The following RPRD1B variants were observed in gnomAD, a reference collection of about 807,000 sequenced individuals.
The protein encoded by RPRD1B is regulation of nuclear pre-mRNA domain-containing protein 1B.
A neutral mutation model predicts 41.5 loss-of-function variants in RPRD1B; 11 were observed. That is an observed-to-expected ratio of 0.27 (90% CI 0.17 to 0.44). The LOEUF is 0.44. RPRD1B is among the 20% of genes least tolerant of loss of function. The probability of loss-of-function intolerance (pLI) is 1.00; values close to 1 mark genes in which losing one functional copy is unlikely to be tolerated. For synonymous variants in RPRD1B, 158 were observed against 155.6 expected, an observed-to-expected ratio of 1.02 and a Z score of -0.12; for missense variants, 248 against 389.9, an observed-to-expected ratio of 0.64 and a Z score of 3.06.
At position 38,090,923 on chromosome 20, in the gene RPRD1B, CCCCACACGA is replaced by C. The variant is rs1319452427; in HGVS notation, c.*1050_*1058del. 1.0e-6 allele frequency: 1 copy of C among 985,326 alleles called. No individual in the cohort carries two copies. Among genetic ancestry groups the C allele is most frequent in the Admixed American group, 6.1e-5 (1 of 16,264 alleles). 61.0% of individuals were successfully genotyped at this position (985,326 alleles called of 1,614,324 possible). ...GTCACGCCACTGCACAGGTCCTTGT[CCCCACACGA>C]CGGGGAGTACTTGCGTCAGATGTTA... On this transcript the variant is annotated 3_prime_UTR_variant, in exon 7 of 7. Transcript: ENST00000373433.
At chr20:38,045,486 A>T (rs2074111626) in intron 2 of RPRD1B, among the ~76,000 whole-genome samples, 1 of 152,242 alleles carries the variant, frequency 6.6e-6, no homozygotes, top group Non-Finnish European at 1.5e-5. Context: ...TGTTCAAGGA[A>T]ATATCTGTCC....
At chr20:38,076,668 C>T (rs2074462980) in intron 6 of RPRD1B, among the ~76,000 whole-genome samples, 1 of 151,068 alleles carries the variant, frequency 6.6e-6, no homozygotes, top group Non-Finnish European at 1.5e-5. Context: ...CCCACCCCTG[C>T]CCCCAGTGGT....
At chr20:38,043,378 C>G (rs899833298) in intron 2 of RPRD1B, among the ~76,000 whole-genome samples, 8 of 152,158 alleles carry the variant, frequency 5.3e-5, no homozygotes, top group African/African-American at 1.7e-4. Context: ...GGTGGACATG[C>G]AGCAGTCACA....
chr20:38,078,346 A>G (rs1322767117), intron 6 of RPRD1B, among the ~76,000 whole-genome samples: 2 of 152,064 alleles, frequency 1.3e-5, no homozygotes. Flanking sequence ...TCTGCCCAGG[A>G]CACACTTCCC....
At position 38,091,048 on chromosome 20, in the gene RPRD1B, CTA is replaced by C. The variant is rs2074607926; in HGVS notation, c.*1178_*1179del. ...ATTATCATGTCAGCTGACATTATGA[CTA>C]TATAATGTAGTTAGAGACAATTTTT... is the stretch of plus-strand genomic sequence containing the variant. On this transcript the variant is annotated 3_prime_UTR_variant, in exon 7 of 7. Transcript: ENST00000373433. 2.0e-6 allele frequency: 2 copies of C among 982,654 alleles called. No homozygotes were observed. The highest frequency in any genetic ancestry group is 2.4e-6 in the Non-Finnish European group (2 of 827,222). 60.9% of individuals were successfully genotyped at this position (982,654 alleles called of 1,614,324 possible).
At chr20:38,069,580 A>G (rs1165380929) in intron 6 of RPRD1B, among the ~76,000 whole-genome samples, 1 of 152,200 alleles carries the variant, frequency 6.6e-6, no homozygotes, top group East Asian at 1.9e-4. Context: ...GTGCTCTTTA[A>G]GAAGCTACGT....
At chr20:38,044,547 G>C (rs1455774961) in intron 2 of RPRD1B, among the ~76,000 whole-genome samples, 1 of 151,868 alleles carries the variant, frequency 6.6e-6, no homozygotes, top group African/African-American at 2.4e-5. Context: ...CTAATTTTTT[G>C]TATTTTTTAG....
chr20:38,044,519 G>A (rs774425928), intron 2 of RPRD1B, among the ~76,000 whole-genome samples: 49 of 151,930 alleles, frequency 3.2e-4, no homozygotes, highest in Admixed American at 1.0e-3. Flanking sequence ...GACTACAGGC[G>A]CCCGCCATGA....
At chr20:38,064,718 A>G (rs1294567369) in intron 5 of RPRD1B, among the ~76,000 whole-genome samples, 1 of 152,172 alleles carries the variant, frequency 6.6e-6, no homozygotes, top group African/African-American at 2.4e-5. Flanking sequence ...ATGAGTTACA[A>G]CCCATTAATT....
chr20:38,046,568 G>A (rs1227445762), intron 2 of RPRD1B, among the ~76,000 whole-genome samples: 2 of 152,146 alleles, frequency 1.3e-5, no homozygotes, highest in Non-Finnish European at 2.9e-5. Context: ...ATTGAGTAGG[G>A]GCAGGGAGTG....
At chr20:38,053,961 C>A (rs2074214912) in intron 3 of RPRD1B, among the ~76,000 whole-genome samples, 1 of 152,096 alleles carries the variant, frequency 6.6e-6, no homozygotes, top group Non-Finnish European at 1.5e-5. Flanking sequence ...GGTCCTGGAA[C>A]CAATCCCCCA....
intron 6 of RPRD1B, among the ~76,000 whole-genome samples, chr20:38,073,004 TAG>T (rs1382679236): frequency 6.6e-6 from 1 of 152,180 alleles, no homozygotes; most frequent in Non-Finnish European, 1.5e-5. Flanking sequence ...TGAAGAAACC[TAG>T]AGAGAGAGGT....
chr20:38,040,313 C>T (rs1426609483), intron 1 of RPRD1B, 122 bp from the exon 2 acceptor site: 17 of 627,914 alleles, frequency 2.7e-5, no homozygotes, highest in Middle Eastern at 9.3e-4. Context: ...AACATATCTA[C>T]TTGACCCCCC....
At chr20:38,045,125 T>C (rs1207166462) in intron 2 of RPRD1B, among the ~76,000 whole-genome samples, 1 of 152,220 alleles carries the variant, frequency 6.6e-6, no homozygotes, top group Non-Finnish European at 1.5e-5. Context: ...AATAAAGTGA[T>C]TGAATTTGTT....
chr20:38,055,169 T>C (rs2074226023), intron 3 of RPRD1B, among the ~76,000 whole-genome samples: 1 of 152,216 alleles, frequency 6.6e-6, no homozygotes, highest in African/African-American at 2.4e-5. Flanking sequence ...TCCAAATGTG[T>C]ACGGAAACAA....
intron 2 of RPRD1B, among the ~76,000 whole-genome samples, chr20:38,047,287 C>G (rs1408175288): frequency 6.6e-6 from 1 of 152,070 alleles, no homozygotes; most frequent in East Asian, 1.9e-4. Context: ...GTGAAATTTA[C>G]CACTAATAAT....
At chr20:38,059,995 C>T (rs747717568) in intron 5 of RPRD1B, among the ~76,000 whole-genome samples, 2 of 152,172 alleles carry the variant, frequency 1.3e-5, no homozygotes, top group Admixed American at 6.5e-5. Flanking sequence ...TTGCCCTAGT[C>T]GTGACCTCCC....
chr20:38,045,510 T>A (rs539601204), intron 2 of RPRD1B, among the ~76,000 whole-genome samples: 1 of 152,364 alleles, frequency 6.6e-6, no homozygotes, highest in African/African-American at 2.4e-5. Flanking sequence ...TTAGTTATAT[T>A]CACTAATTAA....
chr20:38,055,170 A>G (rs1165439919), intron 3 of RPRD1B, among the ~76,000 whole-genome samples: 1 of 152,248 alleles, frequency 6.6e-6, no homozygotes, highest in Non-Finnish European at 1.5e-5. Flanking sequence ...CCAAATGTGT[A>G]CGGAAACAAA....
Sources: allele counts gnomAD v4.1 joint callset (sites outside exome capture counted in the v4.1 genomes callset), GRCh38; gene constraint gnomAD v4.1.1; transcripts MANE v1.5; gene names NCBI Gene and HGNC (gene_info 2026-07-23, HGNC 2026-07-21).